The following AP2A2 variants were observed in gnomAD, a reference collection of about 807,000 sequenced individuals.
AP2A2 encodes adaptor related protein complex 2 subunit alpha 2.
AP2A2 carries 32 observed loss-of-function variants against 104.2 expected under a neutral mutation model. The observed-to-expected ratio is 0.31, with a 90% CI of 0.23 to 0.41. The LOEUF is 0.41. Among genes scored for constraint, AP2A2 ranks in the 10% least tolerant of loss-of-function variants. The pLI is 1.00. For synonymous variants in AP2A2, 539 were observed against 533.3 expected (o/e 1.01, Z -0.15); for missense variants, 912 against 1,261.0 (o/e 0.72, Z 4.19).
Position 993,746 on chromosome 11 carries a change from G to A in AP2A2, c.1551-8G>A, listed in dbSNP as rs758645929. The A allele has an allele frequency of 1.1e-5, 17 of 1,579,358 alleles. No homozygotes were observed. The highest frequency in any genetic ancestry group is 2.3e-5 in the East Asian group (1 of 43,114). On this transcript the variant is annotated splice_region_variant and splice_polypyrimidine_tract_variant and intron_variant, in intron 12 of 21. Transcript: ENST00000448903. This position sits in a 1 kb window ranked among gnomAD's most constrained non-coding sequence, Gnocchi z 8.2. The stretch of plus-strand genomic sequence containing the variant: ...CGGTGTCCCTGTGTTGTGCCTCCCC[G>A]TCCCCAGCCCGCTGATCCAGTTCCA...
intron 1 of AP2A2, among the ~76,000 whole-genome samples, chr11:929,288 G>C (rs1045117953): frequency 6.6e-6 from 1 of 152,168 alleles, no homozygotes; most frequent in Non-Finnish European, 1.5e-5. Context: ...AATGATAGGA[G>C]TAGTCGGGCC....
intron 1 of AP2A2, among the ~76,000 whole-genome samples, chr11:933,098 G>C (rs1475788680): frequency 6.6e-6 from 1 of 152,166 alleles, no homozygotes; most frequent in African/African-American, 2.4e-5. Context: ...GGAAAAACAT[G>C]TCTCTACTAA....
intron 1 of AP2A2, among the ~76,000 whole-genome samples, chr11:953,949 C>T (rs1854143940): frequency 6.6e-6 from 1 of 151,882 alleles, no homozygotes; most frequent in Non-Finnish European, 1.5e-5. Context: ...ATTCTTCTGC[C>T]TCAACTTCCT....
intron 1 of AP2A2, among the ~76,000 whole-genome samples, chr11:950,311 G>GTT (rs367721619): frequency 4.8e-4 from 64 of 133,848 alleles, no homozygotes; most frequent in Admixed American, 6.1e-4. Flanking sequence ...TTGGAATATG[G>GTT]TTTTTTTTTT....
At chr11:960,158 G>A (rs766840156) in intron 2 of AP2A2, among the ~76,000 whole-genome samples, 1 of 152,164 alleles carries the variant, frequency 6.6e-6, no homozygotes, top group Non-Finnish European at 1.5e-5. Context: ...GGAGGGACAG[G>A]CAGAACACAG....
intron 6 of AP2A2, among the ~76,000 whole-genome samples, chr11:983,659 A>G (rs1423458865): frequency 3.3e-5 from 5 of 152,224 alleles, no homozygotes; most frequent in Admixed American, 1.3e-4. Flanking sequence ...CTGGGATTAC[A>G]GGCGGGAGCC....
At chr11:983,316 C>T (rs994818223) in intron 6 of AP2A2, among the ~76,000 whole-genome samples, 1 of 151,974 alleles carries the variant, frequency 6.6e-6, no homozygotes, top group African/African-American at 2.4e-5. Flanking sequence ...TGAGACACCG[C>T]ACCTGGACTC....
chr11:986,568 G>C (rs112772664), intron 8 of AP2A2, among the ~76,000 whole-genome samples: 6,304 of 152,318 alleles, frequency 0.041, 144 homozygotes, highest in South Asian at 0.058. Flanking sequence ...TCACTGTGGG[G>C]ATGCACAGGA....
intron 4 of AP2A2, 89 bp downstream of exon 4, chr11:972,344 A>G (rs1854862979): frequency 4.5e-6 from 6 of 1,329,520 alleles, no homozygotes; most frequent in East Asian, 2.5e-5. Flanking sequence ...AGCCTAGGAA[A>G]TGTTTTACTC....
chr11:925,909 C>G lies in AP2A2; in HGVS notation c.-113C>G. ...GGACCCTGAGGCGGCCGTGGTTAGG[C>G]GGCTCCCCGGCGGCTCCTCCGCGGC... On this transcript the variant is annotated 5_prime_UTR_variant, in exon 1 of 22. Transcript: ENST00000448903. 6 of 784,534 alleles carry G rather than the reference C, an allele frequency of 7.6e-6. No individual in the cohort carries two copies. The highest frequency in any genetic ancestry group is 1.1e-5 in the Non-Finnish European group (6 of 565,542). 48.6% of individuals were successfully genotyped at this position (784,534 alleles called of 1,614,324 possible).
Position 985,423 on chromosome 11 carries a change from C to T in AP2A2, c.815-12C>T. ...TGGAGACTGGTGAGCACCGTTCTGT[C>T]TTGCCCAGAAGACCCTGCAGTGCGA... On this transcript the variant is annotated splice_polypyrimidine_tract_variant and intron_variant, in intron 7 of 21. Coordinates refer to ENST00000448903, the MANE Select transcript of AP2A2 (RefSeq NM_012305.4). 1.2e-6 allele frequency: 2 copies of T among 1,613,154 alleles called. No individual in the cohort carries two copies. The highest frequency in any genetic ancestry group is 4.5e-5 in the East Asian group (2 of 44,858).
At chr11:969,672 C>T (rs979341645) in intron 2 of AP2A2, among the ~76,000 whole-genome samples, 1 of 152,192 alleles carries the variant, frequency 6.6e-6, no homozygotes, top group Non-Finnish European at 1.5e-5. Flanking sequence ...CCCTAGGGGC[C>T]GTCGCGTGTG....
intron 18 of AP2A2, 50 bp from the exon 19 acceptor site, chr11:1,009,050 T>G: frequency 2.0e-6 from 3 of 1,466,372 alleles, no homozygotes; most frequent in South Asian, 1.2e-5. Flanking sequence ...TCCCTGGGGC[T>G]CTCAGAGGAG....
intron 15 of AP2A2, 176 bp from the exon 16 acceptor site, chr11:1,003,546 C>T (rs1261235696): frequency 2.0e-6 from 1 of 508,232 alleles, no homozygotes; most frequent in Non-Finnish European, 3.5e-6. Context: ...GCTCACCGTC[C>T]TCCTCCAGTG....
In AP2A2 at chr11:993,645, G is replaced by A. The variant is rs1343370867; in HGVS notation, c.1551-109G>A. ...GAGCTGGAAGAGGGTCCCGACCAGC[G>A]GCCTCTGGTGCAGGCCAGGGGGTCT... On this transcript the variant is annotated intron_variant, in intron 12 of 21. Transcript: ENST00000448903. The surrounding 1 kb of genome is among the most constrained non-coding windows in gnomAD (Gnocchi z 8.2). 3.5e-5 allele frequency: 29 copies of A among 823,870 alleles called. No individual in the cohort carries two copies. Among genetic ancestry groups the A allele is most frequent in the East Asian group, 5.4e-5 (2 of 37,082 alleles). The allele number at this position is 823,870 out of a possible 1,614,324, so 51.0% of individuals were successfully genotyped here.
chr11:972,945 C>T (rs1854885611), intron 4 of AP2A2, among the ~76,000 whole-genome samples: 1 of 152,272 alleles, frequency 6.6e-6, no homozygotes, highest in African/African-American at 2.4e-5. Flanking sequence ...CCGTTCCGTC[C>T]CTTGTTAATT....
intron 2 of AP2A2, among the ~76,000 whole-genome samples, chr11:962,600 G>A (rs1203461226): frequency 6.6e-6 from 1 of 152,096 alleles, no homozygotes; most frequent in Non-Finnish European, 1.5e-5. Context: ...GGGTGTGGAG[G>A]CGCGTGCCTA....
Position 1,000,536 on chromosome 11 carries a change from G to A in AP2A2, c.2061G>A (p.Val687=). The part of the protein sequence containing the change: ...SSGGSGLLVD[V]FSDSASVVAP... ...GCGGCAGCGGGCTGCTCGTGGACGT[G>A]TTCTCAGACTCGGCCTCTGTGGTCG... The change falls in exon 15 of 22, where the codon GTG becomes GTA. Residue 687 remains valine, a synonymous_variant. Transcript: ENST00000448903. The A allele has an allele frequency of 1.3e-6, 2 of 1,547,966 alleles. No homozygotes were observed. The highest frequency in any genetic ancestry group is 1.7e-6 in the Non-Finnish European group (2 of 1,151,918).
chr11:955,866 TAGGGC>T (rs533503360), intron 1 of AP2A2, among the ~76,000 whole-genome samples: 140 of 152,304 alleles, frequency 9.2e-4, no homozygotes, highest in Non-Finnish European at 1.6e-3. Flanking sequence ...TGTGACTGCG[TAGGGC>T]AGGGGTGAGC....
Sources: gnomAD v4.1 joint callset for allele counts (sites outside exome capture counted in the v4.1 genomes callset) on GRCh38, gnomAD v4.1.1 for gene constraint, Gnocchi (gnomAD v3.1) non-coding constraint, MANE v1.5 for transcripts, NCBI Gene and HGNC (gene_info 2026-07-23, HGNC 2026-07-21) for gene names.